LONP2: variants seen among roughly 807,000 people sequenced by gnomAD.
The protein encoded by LONP2 is lon protease homolog 2, peroxisomal.
Under a neutral mutation model 85.6 loss-of-function variants are expected in LONP2, and 60 were observed. That is an observed-to-expected ratio of 0.70 (90% confidence interval 0.57 to 0.87). The LOEUF is 0.87. Among genes scored for constraint, LONP2 ranks in the 40% least tolerant of loss-of-function variants. The pLI is 0.00. For missense variants in LONP2, 860 were observed against 1,063.5 expected (o/e 0.81, Z 2.66); for synonymous variants, 395 against 389.7 (o/e 1.01, Z -0.16).
At chr16:48,261,368 A>C (rs566963315) in intron 4 of LONP2, 56 bp from the exon 5 acceptor site, 2 of 1,304,636 alleles carry the variant, frequency 1.5e-6, no homozygotes, top group Non-Finnish European at 2.1e-6. Context: ...GTACCTGGGT[A>C]CTTCGTTTCC....
At chr16:48,318,442 C>G (rs983660826) in intron 11 of LONP2, among the ~76,000 whole-genome samples, 12 of 152,086 alleles carry the variant, frequency 7.9e-5, no homozygotes, top group South Asian at 2.1e-4. Context: ...TCATTTGAAC[C>G]TGGGAGGCGG....
At chr16:48,337,958 A>G (rs1456600931) in intron 12 of LONP2, among the ~76,000 whole-genome samples, 1 of 152,070 alleles carries the variant, frequency 6.6e-6, no homozygotes, top group African/African-American at 2.4e-5. Flanking sequence ...GTGTGCTACC[A>G]TACCCAGCTA....
intron 1 of LONP2, 28 bp downstream of exon 1, chr16:48,244,649 G>A: frequency 7.5e-7 from 1 of 1,326,512 alleles, no homozygotes; most frequent in Non-Finnish European, 9.6e-7. Context: ...CGCGGCGGCG[G>A]CGGGCGGCGC....
chr16:48,274,890 A>G (rs1475737119), intron 7 of LONP2, among the ~76,000 whole-genome samples: 1 of 152,138 alleles, frequency 6.6e-6, no homozygotes, highest in Non-Finnish European at 1.5e-5. Flanking sequence ...TGTAAATTTT[A>G]TTTTAACAGT....
intron 12 of LONP2, among the ~76,000 whole-genome samples, chr16:48,337,132 G>A (rs369297813): frequency 3.3e-5 from 5 of 152,226 alleles, no homozygotes; most frequent in Non-Finnish European, 5.9e-5. Context: ...ACAAATTCAC[G>A]TAAGTGGCAG....
downstream of LONP2, chr16:48,360,590 TG>T (rs1960544643): frequency 6.5e-6 from 1 of 152,818 alleles, no homozygotes; most frequent in Admixed American, 6.5e-5. Context: ...AAACATTTTT[TG>T]CAAACTGCCT....
intron 11 of LONP2, among the ~76,000 whole-genome samples, chr16:48,304,474 C>A (rs1478533996): frequency 6.6e-6 from 1 of 152,102 alleles, no homozygotes; most frequent in Non-Finnish European, 1.5e-5. Flanking sequence ...AAGGTTGAGG[C>A]AGGCAGATGA....
intron 8 of LONP2, among the ~76,000 whole-genome samples, chr16:48,281,662 C>A (rs1387505693): frequency 6.6e-6 from 1 of 152,048 alleles, no homozygotes; most frequent in Non-Finnish European, 1.5e-5. Context: ...TGCATGGATA[C>A]AATAATTAAT....
chr16:48,293,626 C>T (rs1340728631), intron 8 of LONP2, among the ~76,000 whole-genome samples: 32 of 151,842 alleles, frequency 2.1e-4, no homozygotes, highest in Non-Finnish European at 4.6e-4. Flanking sequence ...ATTGGGGTTA[C>T]GGGGGATTCT....
chr16:48,269,300 G>A (rs1972055088), intron 6 of LONP2, among the ~76,000 whole-genome samples: 1 of 151,426 alleles, frequency 6.6e-6, no homozygotes, highest in African/African-American at 2.4e-5. Context: ...GTGATGCACA[G>A]TTGAAGCATC....
intron 7 of LONP2, among the ~76,000 whole-genome samples, chr16:48,272,563 G>A (rs1435371830): frequency 1.3e-5 from 2 of 152,120 alleles, no homozygotes; most frequent in African/African-American, 2.4e-5. Context: ...AGGAGGTTGT[G>A]TTACAATCAC....
At chr16:48,312,417 C>T (rs547055630) in intron 11 of LONP2, among the ~76,000 whole-genome samples, 96 of 151,444 alleles carry the variant, frequency 6.3e-4, no homozygotes, top group African/African-American at 2.3e-3. Context: ...TCTGGGATAA[C>T]AGTTGCTTCT....
intron 11 of LONP2, among the ~76,000 whole-genome samples, chr16:48,309,146 CAG>C (rs1460920083): frequency 3.3e-5 from 5 of 152,148 alleles, no homozygotes; most frequent in East Asian, 1.9e-4. Context: ...TCAAAAGTAA[CAG>C]ATGTTGGTGA....
At chr16:48,331,994 C>T (rs1026840970) in intron 11 of LONP2, among the ~76,000 whole-genome samples, 1 of 152,144 alleles carries the variant, frequency 6.6e-6, no homozygotes, top group Non-Finnish European at 1.5e-5. Flanking sequence ...TGTTTTCCTT[C>T]CTGTGTCATT....
At position 48,362,491 on chromosome 16, in the gene LONP2, A is replaced by G; in HGVS notation, c.*628A>G. On this transcript the variant is annotated 3_prime_UTR_variant, in exon 5 of 5. Transcript: ENST00000565867. This position sits in a 1 kb window ranked among gnomAD's most constrained non-coding sequence, Gnocchi z 4.2. ...ATTATAACCATGACTTACTTTATAA[A>G]TAATGTTTACATGCCATAAGTCCTT... The G allele has an allele frequency of 6.4e-7, 1 of 1,552,730 alleles. No homozygotes were observed.
downstream of LONP2, chr16:48,362,192 C>T (rs1368253022): frequency 6.2e-7 from 1 of 1,614,166 alleles, no homozygotes; most frequent in Non-Finnish European, 8.5e-7. This position sits in a 1 kb window ranked among gnomAD's most constrained non-coding sequence, Gnocchi z 4.2. Flanking sequence ...GAATGGATCC[C>T]AAAGGGCCCC....
Position 48,362,363 on chromosome 16 carries a change from C to T in LONP2, c.*500C>T. 6.2e-7 allele frequency: 1 copy of T among 1,614,222 alleles called. No individual in the cohort carries two copies. Among genetic ancestry groups the T allele is most frequent in the Non-Finnish European group, 8.5e-7 (1 of 1,180,036 alleles). On this transcript the variant is annotated 3_prime_UTR_variant, in exon 5 of 5. Transcript: ENST00000565867. The surrounding 1 kb of genome is among the most constrained non-coding windows in gnomAD (Gnocchi z 4.2). ...ATGCAGTTGTGCCAGTCAGGGCAGG[C>T]ACCCTCTGGGATGGTGGACACTTCG...
At chr16:48,276,726 A>G (rs1041753096) in intron 7 of LONP2, among the ~76,000 whole-genome samples, 2 of 152,232 alleles carry the variant, frequency 1.3e-5, no homozygotes, top group Non-Finnish European at 2.9e-5. Flanking sequence ...TTTGTTCAAA[A>G]GGACAGAATA....
At chr16:48,265,901 A>G (rs1405822152) in intron 6 of LONP2, among the ~76,000 whole-genome samples, 1 of 152,114 alleles carries the variant, frequency 6.6e-6, no homozygotes, top group Non-Finnish European at 1.5e-5. Flanking sequence ...AGTGTTTTAT[A>G]ATTTTTAGTG....
Sources: gnomAD v4.1 joint callset for allele counts (sites outside exome capture counted in the v4.1 genomes callset) on GRCh38, gnomAD v4.1.1 for gene constraint, Gnocchi (gnomAD v3.1) non-coding constraint, MANE v1.5 for transcripts, NCBI Gene and HGNC (gene_info 2026-07-23, HGNC 2026-07-21) for gene names.